MTA3: variants seen among roughly 807,000 people sequenced by gnomAD.
MTA3 encodes metastasis-associated protein MTA3.
In MTA3, 34 loss-of-function variants were observed where a neutral mutation model predicts 83.5. The observed-to-expected ratio is 0.41, with a 90% CI of 0.31 to 0.54. The LOEUF is 0.54. Ranked by LOEUF, MTA3 falls within the 20% of genes least tolerant of loss-of-function variation. The pLI, the probability that MTA3 is intolerant of heterozygous loss-of-function variation, is 0.33. For synonymous variants in MTA3, 303 were observed against 252.7 expected (o/e 1.20, Z -1.89); for missense variants, 761 against 726.4 (o/e 1.05, Z -0.55).
intron 4 of MTA3, among the ~76,000 whole-genome samples, chr2:42,620,467 C>A (rs557850989): frequency 6.6e-6 from 1 of 152,128 alleles, no homozygotes; most frequent in Non-Finnish European, 1.5e-5. Flanking sequence ...CCTAAACCCA[C>A]TTCTGTTGCA....
At chr2:42,698,745 G>C (rs1371406) in intron 11 of MTA3, among the ~76,000 whole-genome samples, 9 of 152,028 alleles carry the variant, frequency 5.9e-5, no homozygotes, top group African/African-American at 2.2e-4. Context: ...TATATACATA[G>C]AGGAGGCCTC....
intron 2 of MTA3, among the ~76,000 whole-genome samples, chr2:42,516,634 G>A (rs776628220): frequency 6.6e-6 from 1 of 152,184 alleles, no homozygotes; most frequent in Non-Finnish European, 1.5e-5. Flanking sequence ...TGGAACTATT[G>A]AGGAATGTAG....
chr2:42,742,483 G>C (rs1669108023), intron 16 of MTA3, among the ~76,000 whole-genome samples: 1 of 152,034 alleles, frequency 6.6e-6, no homozygotes, highest in South Asian at 2.1e-4. Flanking sequence ...CCTGTGTAAA[G>C]CTCATCTGCC....
chr2:42,729,093 T>TTTTTTTG (rs1668046135), intron 16 of MTA3, among the ~76,000 whole-genome samples: 2 of 37,118 alleles, frequency 5.4e-5, no homozygotes, highest in African/African-American at 4.6e-4. Context: ...TGAGTTTTTT[T>TTTTTTTG]TTTTTTTTTT....
chr2:42,610,977 CTTTTCTTTTT>C (rs1286594505), intron 4 of MTA3, among the ~76,000 whole-genome samples: 1 of 146,620 alleles, frequency 6.8e-6, no homozygotes, highest in Admixed American at 6.8e-5. Flanking sequence ...TATTTCTTTT[CTTTTCTTTTT>C]TTTTTTTTTT....
At chr2:42,636,920 TG>T (rs1167044332) in intron 4 of MTA3, among the ~76,000 whole-genome samples, 4 of 152,274 alleles carry the variant, frequency 2.6e-5, no homozygotes, top group Middle Eastern at 3.4e-3. Context: ...CCACTGCGCC[TG>T]GCCCTCCTCT....
In MTA3 at chr2:42,611,128, C is replaced by T. The variant is rs140231908; in HGVS notation, c.317+1544C>T. On this transcript the variant is annotated intron_variant, in intron 4 of 16. Coordinates refer to ENST00000405094, the MANE Select transcript of MTA3 (RefSeq NM_001330442.2). ...TTCCGAGTAGCTGGGATTACAGGCA[C>T]ATGCCACCATGCCCAGCTAATTTTT... Among the ~76,000 whole-genome samples, 320 of 151,816 alleles carry T rather than the reference C, an allele frequency of 2.1e-3. 11 individuals are homozygous for T. In the East Asian group the frequency reaches 0.049, roughly 23 times the overall value.
At chr2:42,573,225 T>C (rs1376408809) in intron 2 of MTA3, among the ~76,000 whole-genome samples, 1 of 152,228 alleles carries the variant, frequency 6.6e-6, no homozygotes, top group Non-Finnish European at 1.5e-5. Flanking sequence ...CAAAATGCCA[T>C]CTGGTAACTT....
intron 2 of MTA3, among the ~76,000 whole-genome samples, chr2:42,546,570 A>T (rs1676768481): frequency 1.3e-5 from 2 of 152,164 alleles, no homozygotes; most frequent in Admixed American, 6.6e-5. Context: ...ATCTAGAGGC[A>T]TTTCTAGTTG....
At chr2:42,717,890 T>C (rs191016434) in intron 14 of MTA3, among the ~76,000 whole-genome samples, 25 of 152,322 alleles carry the variant, frequency 1.6e-4, no homozygotes, top group African/African-American at 5.5e-4. Flanking sequence ...TTATCTTCCA[T>C]GTCATTTCAA....
intron 9 of MTA3, among the ~76,000 whole-genome samples, chr2:42,684,716 C>A (rs544086878): frequency 1.3e-5 from 2 of 152,292 alleles, no homozygotes; most frequent in East Asian, 3.9e-4. Flanking sequence ...TTGAGAAACA[C>A]TAAAGTGAAA....
chr2:42,549,783 G>T (rs1572966327), intron 2 of MTA3, among the ~76,000 whole-genome samples: 1 of 145,982 alleles, frequency 6.9e-6, no homozygotes, highest in African/African-American at 2.5e-5. Context: ...GTTTTAAATT[G>T]TGTGTAGCTC....
At chr2:42,527,922 C>CTT (rs1675792525) in intron 2 of MTA3, among the ~76,000 whole-genome samples, 1 of 151,846 alleles carries the variant, frequency 6.6e-6, no homozygotes, top group Non-Finnish European at 1.5e-5. Context: ...CTTATGACTT[C>CTT]TTTTTCTTTT....
At chr2:42,689,802 G>T (rs1468012571) in intron 9 of MTA3, among the ~76,000 whole-genome samples, 1 of 132,770 alleles carries the variant, frequency 7.5e-6, no homozygotes. Flanking sequence ...TTCTTGATCA[G>T]TCTGGCTAGG....
rs535964760 is a variant in MTA3, at chr2:42,756,183, C to T, written c.*2784C>T. The T allele has an allele frequency of 4.9e-5, 14 of 283,908 alleles. No individual in the cohort carries two copies. Among genetic ancestry groups the T allele is most frequent in the Middle Eastern group, 1.7e-3 (1 of 604 alleles). 17.6% of individuals were successfully genotyped at this position (283,908 alleles called of 1,614,324 possible). A position where few individuals can be genotyped will look rare whatever the true frequency, so the allele number is the denominator to read the frequency against. On this transcript the variant is annotated 3_prime_UTR_variant, in exon 17 of 17. Coordinates refer to ENST00000405094, the MANE Select transcript of MTA3 (RefSeq NM_001330442.2). ...AGACTGGCTGGGCACCAGGGGAGGA[C>T]GCGTCACCAGAGCCTGGGGCCAAGG...
chr2:42,559,800 C>T (rs1443956118), intron 2 of MTA3, among the ~76,000 whole-genome samples: 7 of 122,014 alleles, frequency 5.7e-5, no homozygotes, highest in South Asian at 2.5e-4. Flanking sequence ...CACTTGAACC[C>T]GGGGCGGGGG....
At chr2:42,531,090 A>G (rs1230347510) in intron 2 of MTA3, among the ~76,000 whole-genome samples, 1 of 152,138 alleles carries the variant, frequency 6.6e-6, no homozygotes, top group Non-Finnish European at 1.5e-5. Context: ...TGGGCCTCCA[A>G]AAGTGTTGGG....
At chr2:42,518,383 CAAAT>C (rs1203209814) in intron 2 of MTA3, among the ~76,000 whole-genome samples, 1 of 152,076 alleles carries the variant, frequency 6.6e-6, no homozygotes, top group Non-Finnish European at 1.5e-5. Flanking sequence ...AACAGACAAA[CAAAT>C]AAAACAATGA....
intron 4 of MTA3, among the ~76,000 whole-genome samples, chr2:42,627,044 T>C (rs1424562959): frequency 6.6e-6 from 1 of 152,220 alleles, no homozygotes; most frequent in Non-Finnish European, 1.5e-5. Context: ...CCCAGCCATC[T>C]CCCTTTATAC....
Sources: allele counts gnomAD v4.1 joint callset (sites outside exome capture counted in the v4.1 genomes callset), GRCh38; gene constraint gnomAD v4.1.1; transcripts MANE v1.5; gene names NCBI Gene and HGNC (gene_info 2026-07-23, HGNC 2026-07-21).